Variants in SLC5A4 observed in about 807,000 individuals in gnomAD.
SLC5A4 encodes probable glucose sensor protein SLC5A4.
In SLC5A4, 55 loss-of-function variants were observed where a neutral mutation model predicts 70.3. The ratio of observed to expected loss-of-function variants is 0.78; its 90% confidence interval spans 0.63 to 0.98. The LOEUF is 0.98. Among genes scored for constraint, SLC5A4 ranks in the 50% least tolerant of loss-of-function variants. SLC5A4 has a pLI of 0.00. For synonymous variants in SLC5A4, 268 were observed against 305.7 expected, an observed-to-expected ratio of 0.88 and a Z score of 1.29; for missense variants, 735 against 839.2, an observed-to-expected ratio of 0.88 and a Z score of 1.53.
chr22:32,260,745 G>T, the SLC5A4 span, among the ~76,000 whole-genome samples: 1 of 152,210 alleles, frequency 6.6e-6, no homozygotes, highest in East Asian at 1.9e-4. Context: ...ATCGGAAAAC[G>T]GATGGAGACA....
chr22:32,225,615 TCACTCCA>T, intron 12 of SLC5A4, 33 bp downstream of exon 12: 1 of 1,384,990 alleles, frequency 7.2e-7, no homozygotes, highest in Admixed American at 2.2e-5. Context: ...GATTTTTTTC[TCACTCCA>T]GCAGGGAAAC....
At chr22:32,308,320 T>A in the SLC5A4 span, among the ~76,000 whole-genome samples, 1 of 44,972 alleles carries the variant, frequency 2.2e-5, no homozygotes, top group East Asian at 0.038. Context: ...TGTCCTTGAA[T>A]GGCAGTCTCT....
chr22:32,266,444 A>G, the SLC5A4 span, among the ~76,000 whole-genome samples: 1 of 152,374 alleles, frequency 6.6e-6, no homozygotes, highest in Non-Finnish European at 1.5e-5. Flanking sequence ...TATGTCTGCA[A>G]TAGTCATGCA....
chr22:32,312,450 G>A, the SLC5A4 span, among the ~76,000 whole-genome samples: 1 of 152,014 alleles, frequency 6.6e-6, no homozygotes, highest in East Asian at 1.9e-4. Flanking sequence ...CAGGGGCAAG[G>A]GAAGCTTCGG....
chr22:32,350,354 G>T, the SLC5A4 span, among the ~76,000 whole-genome samples: 1 of 152,196 alleles, frequency 6.6e-6, no homozygotes, highest in Non-Finnish European at 1.5e-5. Flanking sequence ...TCCTGTAAAA[G>T]TCTGCTAACA....
chr22:32,224,651 A>G (rs1016058734), intron 12 of SLC5A4, among the ~76,000 whole-genome samples, 169 bp from the exon 13 acceptor site: 1 of 152,168 alleles, frequency 6.6e-6, no homozygotes, highest in African/African-American at 2.4e-5. Context: ...TGTGCTTCTT[A>G]GTTGGATGCT....
chr22:32,271,842 A>G, the SLC5A4 span: 7 of 608,880 alleles, frequency 1.1e-5, no homozygotes, highest in African/African-American at 1.3e-4. Context: ...CCTGTCAGGA[A>G]GATCCCGCTG....
chr22:32,352,580 C>T, the SLC5A4 span, among the ~76,000 whole-genome samples: 2 of 152,134 alleles, frequency 1.3e-5, no homozygotes, highest in South Asian at 4.2e-4. Flanking sequence ...GAAGACTCCT[C>T]CTTCCCCTGG....
chr22:32,266,688 G>C, the SLC5A4 span, among the ~76,000 whole-genome samples: 1 of 152,200 alleles, frequency 6.6e-6, no homozygotes, highest in African/African-American at 2.4e-5. Flanking sequence ...CATAACTTTT[G>C]ACTTCCCAAT....
the SLC5A4 span, among the ~76,000 whole-genome samples, chr22:32,308,431 T>TCCTGA: frequency 6.6e-6 from 1 of 151,902 alleles, no homozygotes; most frequent in South Asian, 2.1e-4. Context: ...CAGGCTGGAA[T>TCCTGA]CCTGACCTGA....
chr22:32,320,227 A>C, the SLC5A4 span, among the ~76,000 whole-genome samples: 1 of 152,150 alleles, frequency 6.6e-6, no homozygotes, highest in African/African-American at 2.4e-5. Flanking sequence ...AGGGCTGAGC[A>C]CCCAATGCAT....
the SLC5A4 span, among the ~76,000 whole-genome samples, chr22:32,299,448 G>A: frequency 1.0e-4 from 11 of 104,930 alleles, no homozygotes; most frequent in East Asian, 1.3e-3. Context: ...TGATCGCATC[G>A]GCTCCTGAGG....
the SLC5A4 span, among the ~76,000 whole-genome samples, chr22:32,346,144 C>T: frequency 1.2e-4 from 18 of 152,218 alleles, no homozygotes; most frequent in African/African-American, 3.4e-4. Context: ...ATGATGGCTG[C>T]GGCTTACAAT....
chr22:32,300,290 TG>T, the SLC5A4 span, among the ~76,000 whole-genome samples: 1 of 147,356 alleles, frequency 6.8e-6, no homozygotes, highest in Non-Finnish European at 1.5e-5. Context: ...CAGACTGCTG[TG>T]CTAGCTAGCA....
At chr22:32,228,562 A>T (rs73395063) in intron 11 of SLC5A4, among the ~76,000 whole-genome samples, 31,204 of 151,462 alleles carry the variant, frequency 0.21, 3,670 homozygotes, top group African/African-American at 0.31. Context: ...AAATGCTATG[A>T]CAATATAGGG....
chr22:32,321,716 G>A, the SLC5A4 span, among the ~76,000 whole-genome samples: 4 of 152,180 alleles, frequency 2.6e-5, no homozygotes, highest in Non-Finnish European at 5.9e-5. Context: ...AGAGCATGTG[G>A]TATTGGGTTT....
chr22:32,306,788 T>C, the SLC5A4 span, among the ~76,000 whole-genome samples: 69 of 152,204 alleles, frequency 4.5e-4, no homozygotes, highest in Non-Finnish European at 3.8e-4. Context: ...TACTGCACAT[T>C]GTCCAGACAC....
chr22:32,294,399 G>C, the SLC5A4 span, among the ~76,000 whole-genome samples: 1 of 152,132 alleles, frequency 6.6e-6, no homozygotes, highest in Non-Finnish European at 1.5e-5. Flanking sequence ...AAGTAGTACA[G>C]AGACATTCTT....
chr22:32,221,743 T>TG (rs1469762597), intron 13 of SLC5A4, among the ~76,000 whole-genome samples: 1 of 152,132 alleles, frequency 6.6e-6, no homozygotes, highest in African/African-American at 2.4e-5. Flanking sequence ...AATGTTTTTT[T>TG]TTTGTTTGTT....
Sources: allele counts gnomAD v4.1 joint callset (sites outside exome capture counted in the v4.1 genomes callset), GRCh38; gene constraint gnomAD v4.1.1; transcripts MANE v1.5; gene names NCBI Gene and HGNC (gene_info 2026-07-23, HGNC 2026-07-21).